The following STAG1 variants were observed in gnomAD, a reference collection of about 807,000 sequenced individuals.
STAG1 encodes the protein cohesin subunit SA-1.
STAG1 carries 26 observed loss-of-function variants against 170.9 expected under a neutral mutation model. The observed-to-expected ratio is 0.15, with a 90% CI of 0.11 to 0.21. The LOEUF (loss-of-function observed/expected upper bound fraction) is 0.21, where lower values mean the gene tolerates loss of function less well. Among genes scored for constraint, STAG1 ranks in the 10% least tolerant of loss-of-function variants. STAG1 has a pLI of 1.00. For synonymous variants in STAG1, 514 were observed against 497.7 expected (o/e 1.03, Z -0.44); for missense variants, 964 against 1,509.5 (o/e 0.64, Z 5.99).
intron 2 of STAG1, among the ~76,000 whole-genome samples, chr3:136,624,265 AT>A (rs1244129886): frequency 6.6e-6 from 1 of 151,356 alleles, no homozygotes; most frequent in Non-Finnish European, 1.5e-5. Context: ...GGCCCGGCTA[AT>A]TTTTTTTGCA....
At chr3:136,583,378 C>T (rs572458886) in intron 4 of STAG1, among the ~76,000 whole-genome samples, 1 of 152,204 alleles carries the variant, frequency 6.6e-6, no homozygotes, top group Non-Finnish European at 1.5e-5. Flanking sequence ...ATTAAGTCCA[C>T]TGAAACTGGG....
At chr3:136,459,965 AAAC>A (rs757735375) in intron 13 of STAG1, among the ~76,000 whole-genome samples, 40 of 152,192 alleles carry the variant, frequency 2.6e-4, no homozygotes, top group African/African-American at 3.6e-4. Context: ...ACCCACACAA[AAAC>A]AACAACAACA....
At chr3:136,372,316 T>C (rs1469531303) in intron 23 of STAG1, among the ~76,000 whole-genome samples, 1 of 152,220 alleles carries the variant, frequency 6.6e-6, no homozygotes. Context: ...TGACTTCCTC[T>C]TTTCCTAACT....
intron 18 of STAG1, 60 bp downstream of exon 18, chr3:136,422,708 T>A: frequency 6.6e-7 from 1 of 1,522,156 alleles, no homozygotes; most frequent in African/African-American, 1.4e-5. Context: ...TAAGAGTACA[T>A]GAAAATAATT....
At chr3:136,460,480 T>C (rs187400542) in intron 13 of STAG1, among the ~76,000 whole-genome samples, 2 of 152,202 alleles carry the variant, frequency 1.3e-5, no homozygotes, top group African/African-American at 4.8e-5. Context: ...CAAGAGCCTG[T>C]AATCCCAGCT....
At chr3:136,509,730 T>C (rs956717530) in intron 7 of STAG1, among the ~76,000 whole-genome samples, 14 of 152,142 alleles carry the variant, frequency 9.2e-5, no homozygotes, top group African/African-American at 3.4e-4. Context: ...CATCAGGAAA[T>C]GGGATGCCTA....
intron 21 of STAG1, among the ~76,000 whole-genome samples, chr3:136,411,328 AAAAAT>A (rs2107711817): frequency 6.6e-6 from 1 of 152,280 alleles, no homozygotes; most frequent in East Asian, 1.9e-4. Context: ...GAAAAAAATA[AAAAAT>A]AAAATAAAAA....
intron 4 of STAG1, among the ~76,000 whole-genome samples, chr3:136,583,379 T>A (rs183722368): frequency 4.6e-5 from 7 of 152,284 alleles, no homozygotes; most frequent in Admixed American, 4.6e-4. Flanking sequence ...TTAAGTCCAC[T>A]GAAACTGGGC....
intron 7 of STAG1, among the ~76,000 whole-genome samples, chr3:136,509,265 T>C (rs993341016): frequency 2.6e-5 from 4 of 152,112 alleles, no homozygotes; most frequent in Non-Finnish European, 5.9e-5. Flanking sequence ...ATCAGCTAAA[T>C]GTGAAGACTG....
At chr3:136,341,983 A>G (rs1431419100) in intron 30 of STAG1, among the ~76,000 whole-genome samples, 2 of 151,422 alleles carry the variant, frequency 1.3e-5, no homozygotes, top group Admixed American at 6.6e-5. Flanking sequence ...CTCTAAACTT[A>G]TTGGCACATG....
intron 7 of STAG1, among the ~76,000 whole-genome samples, chr3:136,505,462 C>T (rs1933709566): frequency 6.6e-6 from 1 of 152,090 alleles, no homozygotes; most frequent in East Asian, 1.9e-4. Flanking sequence ...AATTTAATGC[C>T]TGTTGATTTT....
At chr3:136,718,338 T>C (rs942839195) in intron 1 of STAG1, among the ~76,000 whole-genome samples, 1 of 152,234 alleles carries the variant, frequency 6.6e-6, no homozygotes, top group Non-Finnish European at 1.5e-5. Context: ...TGTCTTCATC[T>C]GTATTGTATG....
Position 136,498,215 on chromosome 3 carries a change from T to TATATAC in STAG1, c.902+2007_902+2008insGTATAT, listed in dbSNP as rs1239101996. ...CTTAAAAAAAAAAAAAAAAATTATA[T>TATATAC]ATATATATATATATATATACACATA... On this transcript the variant is annotated intron_variant, in intron 9 of 33. Coordinates refer to ENST00000383202, the MANE Select transcript of STAG1 (RefSeq NM_005862.3). Among the ~76,000 whole-genome samples the TATATAC allele has an allele frequency of 1.1e-3, 44 of 40,310 alleles. 7 individuals carry two copies. Among genetic ancestry groups the TATATAC allele is most frequent in the African/African-American group, 4.0e-3 (44 of 11,050 alleles). 26.4% of individuals were successfully genotyped at this position (40,310 alleles called of 152,430 possible). A position where few individuals can be genotyped will look rare whatever the true frequency, so the allele number is the denominator to read the frequency against.
At chr3:136,475,818 A>C (rs1303712308) in intron 10 of STAG1, among the ~76,000 whole-genome samples, 3 of 152,188 alleles carry the variant, frequency 2.0e-5, no homozygotes, top group Non-Finnish European at 4.4e-5. Context: ...TGAAAGGCTA[A>C]AGAGAAAATG....
At chr3:136,374,125 T>C (rs1221582021) in intron 23 of STAG1, among the ~76,000 whole-genome samples, 1 of 152,116 alleles carries the variant, frequency 6.6e-6, no homozygotes, top group Non-Finnish European at 1.5e-5. Flanking sequence ...TGATCTTTGT[T>C]GGTTTAAAGT....
intron 1 of STAG1, among the ~76,000 whole-genome samples, chr3:136,659,409 CATA>C (rs1191523857): frequency 6.6e-6 from 1 of 152,178 alleles, no homozygotes. Flanking sequence ...TCTTCTCAAG[CATA>C]TTAGACTCCA....
intron 4 of STAG1, among the ~76,000 whole-genome samples, chr3:136,599,887 A>G (rs112422331): frequency 1.3e-3 from 203 of 152,256 alleles, no homozygotes; most frequent in African/African-American, 3.1e-3. Context: ...TTCAACATAC[A>G]TATTCATTAT....
At chr3:136,506,851 A>C (rs1933795744) in intron 7 of STAG1, among the ~76,000 whole-genome samples, 1 of 152,202 alleles carries the variant, frequency 6.6e-6, no homozygotes, top group Non-Finnish European at 1.5e-5. Context: ...CCATAAAACT[A>C]GATGGAAATT....
intron 21 of STAG1, among the ~76,000 whole-genome samples, chr3:136,410,227 C>T (rs1308883067): frequency 2.0e-5 from 3 of 151,834 alleles, no homozygotes; most frequent in African/African-American, 7.3e-5. Context: ...TGGTGAAATC[C>T]TGTCTCTACT....
Sources: gnomAD v4.1 joint callset for allele counts (sites outside exome capture counted in the v4.1 genomes callset) on GRCh38, gnomAD v4.1.1 for gene constraint, MANE v1.5 for transcripts, NCBI Gene and HGNC (gene_info 2026-07-23, HGNC 2026-07-21) for gene names.